The following FAM107B variants were observed in gnomAD, a reference collection of about 807,000 sequenced individuals.
FAM107B encodes the protein family with sequence similarity 107 member B.
FAM107B carries 21 observed loss-of-function variants against 31.5 expected under a neutral mutation model. The observed-to-expected ratio is 0.67, with a 90% CI of 0.47 to 0.96. FAM107B has a LOEUF of 0.96. Ranked by LOEUF, FAM107B falls within the 40% of genes least tolerant of loss-of-function variation. The pLI is 0.00. For missense variants in FAM107B, 452 were observed against 377.1 expected, an observed-to-expected ratio of 1.20 and a Z score of -1.64; for synonymous variants, 157 against 141.5, an observed-to-expected ratio of 1.11 and a Z score of -0.78.
intron 1 of FAM107B, among the ~76,000 whole-genome samples, chr10:14,695,727 A>T (rs1855249552): frequency 6.6e-6 from 1 of 152,182 alleles, no homozygotes; most frequent in Non-Finnish European, 1.5e-5. Context: ...ATTCCTAAGT[A>T]CTTTCTTGAT....
intron 2 of FAM107B, among the ~76,000 whole-genome samples, chr10:14,613,617 C>T (rs1363737534): frequency 6.6e-6 from 1 of 152,122 alleles, no homozygotes; most frequent in Non-Finnish European, 1.5e-5. Context: ...CTCAAATCTA[C>T]ATTTTTCTCT....
At chr10:14,609,192 A>G (rs186101447) in intron 2 of FAM107B, among the ~76,000 whole-genome samples, 2 of 152,352 alleles carry the variant, frequency 1.3e-5, no homozygotes, top group Admixed American at 1.3e-4. Context: ...AGTGTTTTAG[A>G]TACCTATTGC....
At chr10:14,621,891 G>C (rs1057131074) in intron 2 of FAM107B, among the ~76,000 whole-genome samples, 3 of 152,214 alleles carry the variant, frequency 2.0e-5, no homozygotes, top group African/African-American at 7.2e-5. Context: ...GAAGTACCTT[G>C]CAGTTAAGAG....
intron 2 of FAM107B, among the ~76,000 whole-genome samples, chr10:14,632,248 A>C (rs987785347): frequency 1.3e-4 from 19 of 141,146 alleles, no homozygotes; most frequent in Non-Finnish European, 2.6e-4. Context: ...CAGTGAGTGG[A>C]GATCGCGTCA....
intron 1 of FAM107B, among the ~76,000 whole-genome samples, chr10:14,719,485 A>C (rs1445833216): frequency 6.6e-6 from 1 of 152,180 alleles, no homozygotes; most frequent in Non-Finnish European, 1.5e-5. Flanking sequence ...TGCGGAGAGT[A>C]AAAGATACAA....
intron 1 of FAM107B, among the ~76,000 whole-genome samples, chr10:14,758,873 GAAA>G (rs57967855): frequency 0.14 from 5,338 of 38,110 alleles, 75 homozygotes; most frequent in South Asian, 0.18. Context: ...GACCCTCTCA[GAAA>G]AAAAAAAAAA....
intron 1 of FAM107B, among the ~76,000 whole-genome samples, chr10:14,695,866 AGTTT>A (rs1347054640): frequency 2.6e-5 from 4 of 152,232 alleles, no homozygotes; most frequent in Admixed American, 1.3e-4. Context: ...TAGTTTTAAC[AGTTT>A]GTTTGTGTGT....
chr10:14,704,328 T>G (rs1022287932), intron 1 of FAM107B, among the ~76,000 whole-genome samples: 1 of 150,568 alleles, frequency 6.6e-6, no homozygotes, highest in Non-Finnish European at 1.5e-5. Flanking sequence ...ATACAATAAA[T>G]GAGTCATCCA....
chr10:14,702,741 G>T (rs1304495245), intron 1 of FAM107B, among the ~76,000 whole-genome samples: 1 of 152,070 alleles, frequency 6.6e-6, no homozygotes, highest in East Asian at 1.9e-4. Flanking sequence ...ATAAGTTTTG[G>T]GTTGAAGGAG....
intron 2 of FAM107B, among the ~76,000 whole-genome samples, chr10:14,548,001 C>A (rs1848865872): frequency 6.6e-6 from 1 of 152,220 alleles, no homozygotes; most frequent in Non-Finnish European, 1.5e-5. Context: ...TCCCACTTCC[C>A]TCTCTTCAGA....
At chr10:14,555,005 C>T (rs902111748) in intron 2 of FAM107B, among the ~76,000 whole-genome samples, 12 of 149,490 alleles carry the variant, frequency 8.0e-5, no homozygotes, top group South Asian at 4.2e-4. Context: ...AATGTCAGAC[C>T]GAAATTATTA....
chr10:14,565,617 C>T (rs1850597192), intron 2 of FAM107B, among the ~76,000 whole-genome samples: 1 of 152,340 alleles, frequency 6.6e-6, no homozygotes, highest in African/African-American at 2.4e-5. Flanking sequence ...GACATAGGTG[C>T]TTGAGCTCAC....
chr10:14,520,479 T>A lies in FAM107B; in HGVS notation c.*711A>T, dbSNP rs1033376107. On this transcript the variant is annotated 3_prime_UTR_variant, in exon 5 of 5. Coordinates refer to ENST00000181796, the MANE Select transcript of FAM107B (RefSeq NM_031453.4). ...CCTAGTAATCAAAGCAATTAATGAA[T>A]GGACAGGATGTACCTTCTTGGAACT... 6.6e-6 allele frequency: 1 copy of A among 152,250 alleles called. No homozygotes were observed. Among genetic ancestry groups the A allele is most frequent in the Non-Finnish European group, 1.5e-5 (1 of 68,048 alleles). The allele number at this position is 152,250 out of a possible 1,614,324, so 9.4% of individuals were successfully genotyped here.
intron 1 of FAM107B, among the ~76,000 whole-genome samples, chr10:14,738,096 C>T (rs1417915266): frequency 6.6e-6 from 1 of 152,146 alleles, no homozygotes; most frequent in East Asian, 1.9e-4. Flanking sequence ...TACAAATGTA[C>T]AGCAGCCAGG....
chr10:14,545,042 G>A (rs908937248), intron 2 of FAM107B, among the ~76,000 whole-genome samples: 2 of 152,094 alleles, frequency 1.3e-5, no homozygotes, highest in East Asian at 1.9e-4. Flanking sequence ...CTGGGGGGTG[G>A]GCCCGGCAAC....
intron 2 of FAM107B, among the ~76,000 whole-genome samples, chr10:14,567,844 C>T (rs1850811111): frequency 6.6e-6 from 1 of 152,160 alleles, no homozygotes; most frequent in Non-Finnish European, 1.5e-5. Flanking sequence ...TTAACAGTGT[C>T]TTTTTAGGGT....
At chr10:14,568,454 G>A (rs7077865) in intron 2 of FAM107B, among the ~76,000 whole-genome samples, 39 of 129,574 alleles carry the variant, frequency 3.0e-4, no homozygotes, top group South Asian at 5.3e-4. Flanking sequence ...CAGGTAAGAG[G>A]AGGCTGGCTG....
At chr10:14,664,987 AAGAGG>A (rs758580514) in intron 2 of FAM107B, among the ~76,000 whole-genome samples, 2 of 152,218 alleles carry the variant, frequency 1.3e-5, no homozygotes, top group East Asian at 1.9e-4. Context: ...CTGAATAAAG[AAGAGG>A]AGCTCTATAG....
chr10:14,678,812 G>C (rs1031108381), intron 1 of FAM107B, among the ~76,000 whole-genome samples: 24 of 152,166 alleles, frequency 1.6e-4, no homozygotes, highest in Admixed American at 7.9e-4. Flanking sequence ...TCATGTTCTG[G>C]GTGAGTCCCT....
Sources: allele counts gnomAD v4.1 joint callset (sites outside exome capture counted in the v4.1 genomes callset), GRCh38; gene constraint gnomAD v4.1.1; transcripts MANE v1.5; gene names NCBI Gene and HGNC (gene_info 2026-07-23, HGNC 2026-07-21).